The following MYO5B variants were observed in gnomAD, a reference collection of about 807,000 sequenced individuals.
MYO5B encodes myosin VB.
A neutral mutation model predicts 229.3 loss-of-function variants in MYO5B; 143 were observed. The observed-to-expected ratio is 0.62, with a 90% CI of 0.54 to 0.72. The LOEUF (loss-of-function observed/expected upper bound fraction) is 0.72, where lower values mean the gene tolerates loss of function less well. Among genes scored for constraint, MYO5B ranks in the 30% least tolerant of loss-of-function variants. The probability of loss-of-function intolerance (pLI) is 0.00; values close to 1 mark genes in which losing one functional copy is unlikely to be tolerated. For missense variants in MYO5B, 2,321 were observed against 2,331.0 expected, an observed-to-expected ratio of 1.00 and a Z score of 0.09; for synonymous variants, 918 against 885.2, an observed-to-expected ratio of 1.04 and a Z score of -0.66.
rs899541237 is a variant in MYO5B, at chr18:49,992,511, G to A, written c.613-80C>T. ...CAGGATTGTATGTTTGTGGCAGCAT[G>A]TGTCCCCTTTCTCTTCCTTACTTAC... is the stretch of plus-strand genomic sequence containing the variant. On this transcript the variant is annotated intron_variant, in intron 5 of 39. Coordinates refer to ENST00000285039, the MANE Select transcript of MYO5B (RefSeq NM_001080467.3). 1.1e-5 allele frequency: 17 copies of A among 1,592,022 alleles called. No homozygotes were observed. The South Asian group carries it at 1.9e-4, about 18-fold the overall frequency.
intron 27 of MYO5B, among the ~76,000 whole-genome samples, chr18:49,866,011 C>G (rs2024391299): frequency 6.6e-6 from 1 of 152,130 alleles, no homozygotes; most frequent in Admixed American, 6.5e-5. Context: ...TCAACAGTGC[C>G]AAAAGAATAT....
chr18:49,939,380 G>A (rs1273800544), intron 14 of MYO5B, among the ~76,000 whole-genome samples: 1 of 152,024 alleles, frequency 6.6e-6, no homozygotes, highest in South Asian at 2.1e-4. Flanking sequence ...TCTTGACCTC[G>A]TGATCCGCCC....
At chr18:49,930,907 T>TA (rs1474320508) in intron 16 of MYO5B, among the ~76,000 whole-genome samples, 3 of 140,220 alleles carry the variant, frequency 2.1e-5, no homozygotes, top group East Asian at 2.5e-4. Context: ...AAAACACTAG[T>TA]AAGAAAAAAA....
At chr18:50,157,132 G>A (rs1336787843) in intron 1 of MYO5B, among the ~76,000 whole-genome samples, 1 of 151,508 alleles carries the variant, frequency 6.6e-6, no homozygotes, top group Non-Finnish European at 1.5e-5. Flanking sequence ...GGGGGACGGA[G>A]TCTCGCTCTG....
At chr18:49,944,303 C>T (rs953485393) in intron 14 of MYO5B, among the ~76,000 whole-genome samples, 4 of 152,082 alleles carry the variant, frequency 2.6e-5, no homozygotes, top group Non-Finnish European at 5.9e-5. Context: ...CAGCCTGTCT[C>T]CAGAGTCCAA....
At chr18:50,160,603 C>A (rs1176216197) in intron 1 of MYO5B, among the ~76,000 whole-genome samples, 1 of 152,104 alleles carries the variant, frequency 6.6e-6, no homozygotes, top group Admixed American at 6.5e-5. Context: ...GGTCAGGTAG[C>A]CATATGTGAA....
At chr18:50,125,302 C>T (rs1002527975) in intron 1 of MYO5B, among the ~76,000 whole-genome samples, 2 of 145,452 alleles carry the variant, frequency 1.4e-5, no homozygotes. Context: ...TGTTCTCACT[C>T]ATGGTGGGAA....
Position 49,849,633 on chromosome 18 carries a change from C to A in MYO5B, c.4249G>T (p.Glu1417Ter). The change falls in exon 32 of 40, where the codon GAA becomes TAA. Residue 1417 changes from glutamate to a stop codon, truncating the protein, a stop_gained. Coordinates refer to ENST00000285039, the MANE Select transcript of MYO5B (RefSeq NM_001080467.3). LOFTEE classifies it high-confidence loss of function. ...TTTTTGAGCTTCCTCTCATTCTTTT[C>A]CAGCTTTTCTACCAGTTCTTTAAGG... ...LDLKELVEKL[E>*]KNERKLKKQL... is the part of the protein sequence containing the mutation. 1 of 1,613,864 alleles carries A rather than the reference C, an allele frequency of 6.2e-7. No individual in the cohort carries two copies. Among genetic ancestry groups the A allele is most frequent in the Non-Finnish European group, 8.5e-7 (1 of 1,179,868 alleles).
At chr18:50,085,055 C>T (rs1481366235) in intron 1 of MYO5B, among the ~76,000 whole-genome samples, 2 of 152,102 alleles carry the variant, frequency 1.3e-5, no homozygotes, top group South Asian at 2.1e-4. Context: ...AAAGCAAAAA[C>T]TGACAAATGG....
At chr18:49,998,607 C>T (rs768180200) in intron 5 of MYO5B, among the ~76,000 whole-genome samples, 19 of 152,196 alleles carry the variant, frequency 1.2e-4, no homozygotes, top group East Asian at 5.8e-4. Context: ...TTCACAGCAG[C>T]ACTATGCACA....
chr18:49,861,957 T>A (rs900506396), intron 29 of MYO5B, among the ~76,000 whole-genome samples: 4 of 151,492 alleles, frequency 2.6e-5, no homozygotes, highest in Admixed American at 2.0e-4. Context: ...TTAGTTGAGG[T>A]AAGAGAGAAA....
intron 1 of MYO5B, among the ~76,000 whole-genome samples, chr18:50,081,657 G>A (rs1213318988): frequency 6.6e-6 from 1 of 152,152 alleles, no homozygotes; most frequent in Non-Finnish European, 1.5e-5. Flanking sequence ...GGGACAAAAA[G>A]GCTTATATGG....
At chr18:50,005,682 G>T (rs139666154) in intron 4 of MYO5B, among the ~76,000 whole-genome samples, 1 of 152,290 alleles carries the variant, frequency 6.6e-6, no homozygotes, top group Non-Finnish European at 1.5e-5. Flanking sequence ...CTCCCAAAGT[G>T]CTAGAATTAC....
Position 50,192,019 on chromosome 18 carries a change from C to T in MYO5B, c.27+2748G>A, listed in dbSNP as rs115131422. 1.2e-3 allele frequency among the ~76,000 whole-genome samples: 178 copies of T among 150,828 alleles called. 1 individual carries two copies. Among genetic ancestry groups the T allele is most frequent in the African/African-American group, 4.2e-3 (172 of 40,992 alleles). On this transcript the variant is annotated intron_variant, in intron 1 of 39. Coordinates refer to ENST00000285039, the MANE Select transcript of MYO5B (RefSeq NM_001080467.3). ...GTGGATAATTCATTTGAAGAAGGGA[C>T]GAAGCGATGTCAAAGATGAAGCCTG... is the stretch of plus-strand genomic sequence containing the variant.
chr18:50,040,137 A>AC lies in MYO5B; in HGVS notation c.310+5dup. 6.2e-7 allele frequency: 1 copy of AC among 1,614,078 alleles called. No homozygotes were observed. The highest frequency in any genetic ancestry group is 1.1e-5 in the South Asian group (1 of 91,064). ...CGCATGCAGCCAACAGATGCCCCCC[A>AC]CTTACCACAGTAAGTGTAGATATGG... On this transcript the variant is annotated splice_donor_region_variant and intron_variant, in intron 3 of 39. Transcript: ENST00000285039.
At chr18:49,856,624 A>G (rs2024265292) in intron 30 of MYO5B, among the ~76,000 whole-genome samples, 189 bp downstream of exon 30, 1 of 152,218 alleles carries the variant, frequency 6.6e-6, no homozygotes, top group African/African-American at 2.4e-5. Flanking sequence ...CCAAACAACC[A>G]GCCACCCTCA....
intron 1 of MYO5B, among the ~76,000 whole-genome samples, chr18:50,106,984 T>C (rs909092040): frequency 6.6e-5 from 10 of 152,080 alleles, no homozygotes; most frequent in Non-Finnish European, 7.4e-5. Context: ...GAGGAGAACA[T>C]CTTGGCCTAA....
chr18:49,897,076 G>C (rs969065455), intron 21 of MYO5B, among the ~76,000 whole-genome samples: 1 of 152,164 alleles, frequency 6.6e-6, no homozygotes, highest in Non-Finnish European at 1.5e-5. Flanking sequence ...TGGCTGTCTG[G>C]GGTGTGGGTG....
chr18:50,160,938 C>CT (rs1196303346), intron 1 of MYO5B, among the ~76,000 whole-genome samples: 6 of 152,164 alleles, frequency 3.9e-5, no homozygotes. Context: ...CCCTGAAACA[C>CT]TGCGGCCATT....
Sources: gnomAD v4.1 joint callset for allele counts (sites outside exome capture counted in the v4.1 genomes callset) on GRCh38, gnomAD v4.1.1 for gene constraint, MANE v1.5 for transcripts, NCBI Gene and HGNC (gene_info 2026-07-23, HGNC 2026-07-21) for gene names.